CHCHD3: variants seen among roughly 807,000 people sequenced by gnomAD.
CHCHD3 encodes coiled-coil-helix-coiled-coil-helix domain containing 3, also known as MICOS complex subunit MIC19.
In CHCHD3, 20 loss-of-function variants were observed where a neutral mutation model predicts 38.2. The ratio of observed to expected loss-of-function variants is 0.52; its 90% CI spans 0.37 to 0.76. The LOEUF (loss-of-function observed/expected upper bound fraction) is 0.76. Among genes scored for constraint, CHCHD3 ranks in the 30% least tolerant of loss-of-function variants. The pLI is 0.00. For missense variants in CHCHD3, 245 were observed against 279.2 expected, an observed-to-expected ratio of 0.88 and a Z score of 0.87; for synonymous variants, 82 against 100.0, an observed-to-expected ratio of 0.82 and a Z score of 1.07.
chr7:133,012,857 GA>G (rs1812919543), intron 3 of CHCHD3, among the ~76,000 whole-genome samples: 1 of 132,300 alleles, frequency 7.6e-6, no homozygotes, highest in African/African-American at 2.8e-5. Context: ...GAGGGGAAGG[GA>G]GGGGAGGGGA....
At chr7:133,052,628 TTTC>T (rs1814200203) in intron 2 of CHCHD3, among the ~76,000 whole-genome samples, 1 of 152,190 alleles carries the variant, frequency 6.6e-6, no homozygotes, top group Non-Finnish European at 1.5e-5. Flanking sequence ...GACACATTAT[TTTC>T]TTAAGTGACA....
At chr7:132,843,405 C>T (rs972434360) in intron 5 of CHCHD3, among the ~76,000 whole-genome samples, 7 of 151,938 alleles carry the variant, frequency 4.6e-5, no homozygotes, top group South Asian at 2.1e-4. Context: ...TAGAACAATG[C>T]GAGAATAATA....
intron 2 of CHCHD3, among the ~76,000 whole-genome samples, chr7:133,063,798 G>A (rs1018721016): frequency 6.6e-6 from 1 of 152,112 alleles, no homozygotes; most frequent in Non-Finnish European, 1.5e-5. Flanking sequence ...AAGCTGCCCA[G>A]GCCCTATAGG....
chr7:132,931,805 C>T (rs1366431884), intron 4 of CHCHD3, among the ~76,000 whole-genome samples: 3 of 152,080 alleles, frequency 2.0e-5, no homozygotes, highest in African/African-American at 7.2e-5. Context: ...AGAATGGGTT[C>T]GATGCTGCCT....
chr7:132,913,613 T>C (rs1355467795), intron 4 of CHCHD3, among the ~76,000 whole-genome samples: 1 of 152,216 alleles, frequency 6.6e-6, no homozygotes, highest in Non-Finnish European at 1.5e-5. Flanking sequence ...ATCCACATCC[T>C]GCAACAGGGA....
At chr7:132,787,212 C>T (rs1343315256) in intron 7 of CHCHD3, among the ~76,000 whole-genome samples, 4 of 152,196 alleles carry the variant, frequency 2.6e-5, no homozygotes, top group South Asian at 2.1e-4. Context: ...CCAGGACGGA[C>T]GCCAGGCTGA....
chr7:132,917,269 C>A (rs891139652), intron 4 of CHCHD3, among the ~76,000 whole-genome samples: 3 of 150,924 alleles, frequency 2.0e-5, no homozygotes, highest in African/African-American at 7.3e-5. Context: ...TAAACTAAAT[C>A]CCCCCTGCTG....
rs893295202 is a variant in CHCHD3 at position 132,822,960 on chromosome 7, C to T, written c.524+15439G>A. ...AGAATGAGTTGGATTTAAAAGAAGG[C>T]GTTGAATTTATGTGTTGACCCAGGG... On this transcript the variant is annotated intron_variant, in intron 6 of 7. Coordinates refer to ENST00000262570, the MANE Select transcript of CHCHD3 (RefSeq NM_017812.4). Among the ~76,000 whole-genome samples the T allele has an allele frequency of 4.8e-4, 73 of 152,204 alleles. 1 individual carries two copies. Among genetic ancestry groups the T allele is most frequent in the African/African-American group, 1.6e-3 (66 of 41,540 alleles).
intron 5 of CHCHD3, among the ~76,000 whole-genome samples, chr7:132,860,641 T>G (rs1329741489): frequency 6.6e-6 from 1 of 152,158 alleles, no homozygotes; most frequent in East Asian, 1.9e-4. Flanking sequence ...AGCTTTTTTT[T>G]TTTGAGACAG....
chr7:132,863,227 TC>T (rs1808537641), intron 5 of CHCHD3, among the ~76,000 whole-genome samples: 3 of 152,208 alleles, frequency 2.0e-5, no homozygotes, highest in Non-Finnish European at 4.4e-5. Flanking sequence ...TCAAAATTAC[TC>T]CTTGATCCAC....
chr7:132,810,253 C>T (rs1223565269), intron 6 of CHCHD3, among the ~76,000 whole-genome samples: 2 of 152,060 alleles, frequency 1.3e-5, no homozygotes, highest in East Asian at 3.9e-4. Context: ...GAAAATACAC[C>T]TTCGAAGTAT....
chr7:132,947,344 C>T (rs967009120), intron 4 of CHCHD3, among the ~76,000 whole-genome samples: 2 of 151,832 alleles, frequency 1.3e-5, no homozygotes, highest in Admixed American at 6.6e-5. Flanking sequence ...TCCTTCCTTC[C>T]TTTCAAAACA....
At chr7:133,075,876 G>A (rs955732940) in intron 1 of CHCHD3, among the ~76,000 whole-genome samples, 1 of 151,886 alleles carries the variant, frequency 6.6e-6, no homozygotes, top group African/African-American at 2.4e-5. Context: ...TGGCTAACAC[G>A]GTGAAACCCC....
At chr7:132,975,344 T>C (rs1209483936) in intron 3 of CHCHD3, 58 bp from the exon 4 acceptor site, 1 of 1,376,266 alleles carries the variant, frequency 7.3e-7, no homozygotes, top group African/African-American at 1.5e-5. Context: ...GACATTATTT[T>C]CTATCAAATG....
In CHCHD3 at chr7:132,950,723, A is replaced by G. The variant is rs74879110; in HGVS notation, c.369+24446T>C. 7.3e-3 allele frequency among the ~76,000 whole-genome samples: 1,115 copies of G among 152,298 alleles called. 14 individuals carry two copies. The highest frequency in any genetic ancestry group is 0.026 in the African/African-American group (1,077 of 41,550). On this transcript the variant is annotated intron_variant, in intron 4 of 7. Coordinates refer to ENST00000262570, the MANE Select transcript of CHCHD3 (RefSeq NM_017812.4). Reference sequence around the variant, plus strand: ...CCTGAAAAAGTAATTCCCAGATAGCACATTAAATGCTGTGAATTATGTTAT... The same window carrying G: ...CCTGAAAAAGTAATTCCCAGATAGCGCATTAAATGCTGTGAATTATGTTAT...
At chr7:132,867,250 C>CAA in intron 5 of CHCHD3, among the ~76,000 whole-genome samples, 1 of 151,900 alleles carries the variant, frequency 6.6e-6, no homozygotes, top group Non-Finnish European at 1.5e-5. Context: ...ACTACTAGTG[C>CAA]AAAAAATAAC....
chr7:132,875,458 T>C (rs1808872441), intron 5 of CHCHD3, among the ~76,000 whole-genome samples: 1 of 152,186 alleles, frequency 6.6e-6, no homozygotes, highest in African/African-American at 2.4e-5. Context: ...AACCAATGTA[T>C]TGGGGTCTTC....
At chr7:133,045,889 C>G (rs1421528432) in intron 2 of CHCHD3, among the ~76,000 whole-genome samples, 1 of 152,072 alleles carries the variant, frequency 6.6e-6, no homozygotes, top group Non-Finnish European at 1.5e-5. Context: ...TGATGTACCC[C>G]CTTCCCTTTC....
At chr7:133,057,832 A>G (rs1228943313) in intron 2 of CHCHD3, among the ~76,000 whole-genome samples, 2 of 152,130 alleles carry the variant, frequency 1.3e-5, no homozygotes, top group East Asian at 1.9e-4. Flanking sequence ...ACATACATAT[A>G]TTTAATTTTC....
Sources: gnomAD v4.1 joint callset for allele counts (sites outside exome capture counted in the v4.1 genomes callset) on GRCh38, gnomAD v4.1.1 for gene constraint, MANE v1.5 for transcripts, NCBI Gene and HGNC (gene_info 2026-07-23, HGNC 2026-07-21) for gene names.